CLEC16A: variants seen among roughly 807,000 people sequenced by gnomAD.
CLEC16A encodes C-type lectin domain containing 16A.
Under a neutral mutation model 109.5 loss-of-function variants are expected in CLEC16A, and 51 were observed. The ratio of observed to expected loss-of-function variants is 0.47; its 90% confidence interval spans 0.37 to 0.59. The LOEUF is 0.59. Ranked by LOEUF, CLEC16A falls within the 20% of genes least tolerant of loss-of-function variation. The pLI is 0.00. For synonymous variants in CLEC16A, 673 were observed against 564.2 expected (o/e 1.19, Z -2.73); for missense variants, 1,339 against 1,394.0 (o/e 0.96, Z 0.63).
rs1047432035 is a variant in CLEC16A, at chr16:11,174,486, C to G, written c.2807-3849C>G. On this transcript the variant is annotated intron_variant, in intron 23 of 23. Transcript: ENST00000409790. The surrounding 1 kb of genome is among the most constrained non-coding windows in gnomAD (Gnocchi z 4.7). ...CTCATGTGAAGACCAGATCCCCGGC[C>G]CTTGACCTTCGCGACAGTCCTTCAC... Among the ~76,000 whole-genome samples, 1 of 152,256 alleles carries G rather than the reference C, an allele frequency of 6.6e-6. No homozygotes were observed.
chr16:11,075,404 GTGTGTGTCTGTGTGTGTGTGTGTA>G (rs1386833580), intron 19 of CLEC16A, among the ~76,000 whole-genome samples: 2 of 123,284 alleles, frequency 1.6e-5, no homozygotes, highest in African/African-American at 6.5e-5. Flanking sequence ...GTGTGTGTGT[GTGTGTGTCTGTGTGTGTGTGTGTA>G]TGTGTGTGTG....
At chr16:11,040,035 C>A (rs942009083) in intron 14 of CLEC16A, 159 bp downstream of exon 14, 11 of 840,792 alleles carry the variant, frequency 1.3e-5, no homozygotes, top group African/African-American at 6.9e-5. Context: ...CCTGGGCCAG[C>A]CCTCCTGCCT....
intron 3 of CLEC16A, among the ~76,000 whole-genome samples, chr16:10,967,949 G>T (rs2042590990): frequency 6.6e-6 from 1 of 152,254 alleles, no homozygotes; most frequent in African/African-American, 2.4e-5. Flanking sequence ...GTGGCGCAGG[G>T]CCGGGGCCCA....
At chr16:11,173,001 C>T (rs1489010322) in intron 23 of CLEC16A, among the ~76,000 whole-genome samples, 1 of 152,124 alleles carries the variant, frequency 6.6e-6, no homozygotes, top group Non-Finnish European at 1.5e-5. Context: ...CGGCCCAGTG[C>T]AGGGAGCTTC....
intron 22 of CLEC16A, among the ~76,000 whole-genome samples, chr16:11,127,944 A>G (rs2052944873): frequency 6.6e-6 from 1 of 152,222 alleles, no homozygotes. Context: ...ATGAAATGTG[A>G]GATGATTCTG....
At chr16:11,140,357 C>T (rs1245207850) in intron 22 of CLEC16A, among the ~76,000 whole-genome samples, 1 of 152,212 alleles carries the variant, frequency 6.6e-6, no homozygotes, top group African/African-American at 2.4e-5. Context: ...CCCACCACCG[C>T]TCTTAGTAAC....
chr16:11,012,631 A>G (rs1338114246), intron 11 of CLEC16A, among the ~76,000 whole-genome samples: 2 of 146,602 alleles, frequency 1.4e-5, no homozygotes, highest in Non-Finnish European at 3.0e-5. Flanking sequence ...AGAAAGATTT[A>G]TGAAAACATG....
At chr16:11,176,463 G>A (rs1157841778) in intron 23 of CLEC16A, among the ~76,000 whole-genome samples, 3 of 152,160 alleles carry the variant, frequency 2.0e-5, no homozygotes, top group Admixed American at 2.0e-4. Flanking sequence ...GCTGGGCACG[G>A]TGGTTCACAC....
intron 23 of CLEC16A, among the ~76,000 whole-genome samples, chr16:11,173,077 C>T (rs1401413485): frequency 6.6e-6 from 1 of 152,148 alleles, no homozygotes; most frequent in African/African-American, 2.4e-5. Flanking sequence ...TTCACCCCAC[C>T]ACACCTCCCA....
chr16:10,993,076 GA>G (rs917829630), intron 10 of CLEC16A, among the ~76,000 whole-genome samples: 1 of 152,100 alleles, frequency 6.6e-6, no homozygotes, highest in African/African-American at 2.4e-5. Flanking sequence ...TGGTGGAAGA[GA>G]GGGACGGTTT....
At chr16:11,107,043 G>A (rs1053234133) in intron 19 of CLEC16A, among the ~76,000 whole-genome samples, 1 of 152,220 alleles carries the variant, frequency 6.6e-6, no homozygotes, top group African/African-American at 2.4e-5. Context: ...ACTCTTGGTG[G>A]TGTGGGCAGA....
At chr16:10,964,800 A>G (rs2042422073) in intron 3 of CLEC16A, among the ~76,000 whole-genome samples, 1 of 152,216 alleles carries the variant, frequency 6.6e-6, no homozygotes, top group South Asian at 2.1e-4. Flanking sequence ...ACACAAAAAA[A>G]TGTGTACATT....
intron 23 of CLEC16A, among the ~76,000 whole-genome samples, chr16:11,170,346 G>A (rs78192523): frequency 0.015 from 2,312 of 152,296 alleles, 61 homozygotes; most frequent in African/African-American, 0.053. Flanking sequence ...GCAGCAAAGT[G>A]GACCCCAGGG....
At chr16:11,006,567 C>G (rs565580914) in intron 11 of CLEC16A, among the ~76,000 whole-genome samples, 2 of 152,296 alleles carry the variant, frequency 1.3e-5, no homozygotes, top group Admixed American at 1.3e-4. Context: ...CACTCTGCCT[C>G]TGCATACCCT....
At chr16:11,142,976 A>G (rs1430667594) in intron 22 of CLEC16A, among the ~76,000 whole-genome samples, 3 of 152,012 alleles carry the variant, frequency 2.0e-5, no homozygotes, top group Non-Finnish European at 4.4e-5. Context: ...ACGCCTAGCT[A>G]ATTTTTGTAT....
chr16:11,000,895 T>C (rs1188325563), intron 10 of CLEC16A, among the ~76,000 whole-genome samples: 1 of 152,242 alleles, frequency 6.6e-6, no homozygotes, highest in East Asian at 1.9e-4. Context: ...GGTGGTCGTT[T>C]GGGGTAAATT....
intron 15 of CLEC16A, among the ~76,000 whole-genome samples, chr16:11,043,677 C>A (rs1163586776): frequency 6.6e-6 from 1 of 152,044 alleles, no homozygotes; most frequent in African/African-American, 2.4e-5. Flanking sequence ...CCAGCCTGGC[C>A]AACATGGTGA....
intron 22 of CLEC16A, among the ~76,000 whole-genome samples, chr16:11,135,411 T>G (rs983524589): frequency 6.6e-6 from 1 of 152,112 alleles, no homozygotes; most frequent in Non-Finnish European, 1.5e-5. Context: ...ACTTTCCCAA[T>G]AGACACAGTA....
At chr16:11,024,645 A>G (rs535843707) in intron 12 of CLEC16A, 176 bp from the exon 13 acceptor site, 9 of 546,642 alleles carry the variant, frequency 1.6e-5, no homozygotes, top group African/African-American at 1.5e-4. Context: ...CGGCTTCCGC[A>G]GGCAGAGCCT....
Sources: allele counts gnomAD v4.1 joint callset (sites outside exome capture counted in the v4.1 genomes callset), GRCh38; gene constraint gnomAD v4.1.1; non-coding constraint Gnocchi (gnomAD v3.1); transcripts MANE v1.5; gene names NCBI Gene and HGNC (gene_info 2026-07-23, HGNC 2026-07-21).